LY6S: variants seen among roughly 807,000 people sequenced by gnomAD.
LY6S encodes lymphocyte antigen 6 family member S, also known as lymphocyte antigen 6S.
chr8:143,041,057 G>A, the LY6S span, among the ~76,000 whole-genome samples: 2 of 152,144 alleles, frequency 1.3e-5, no homozygotes, highest in African/African-American at 2.4e-5. Context: ...CGGGACCGGG[G>A]CGAAATTAAA....
At chr8:143,074,525 T>A in the LY6S span, among the ~76,000 whole-genome samples, 2 of 152,270 alleles carry the variant, frequency 1.3e-5, no homozygotes, top group Non-Finnish European at 2.9e-5. Context: ...AAACACTTAT[T>A]TTTATTATTT....
At chr8:143,044,406 CT>C in the LY6S span, among the ~76,000 whole-genome samples, 3 of 152,096 alleles carry the variant, frequency 2.0e-5, no homozygotes, top group Admixed American at 2.0e-4. Flanking sequence ...TGGGCGCCCC[CT>C]GCTCTAGAAC....
chr8:143,066,079 A>G, the LY6S span: 2 of 412,260 alleles, frequency 4.9e-6, no homozygotes, highest in Non-Finnish European at 9.3e-6. Context: ...GGAAGCACAT[A>G]GGCATCGAAG....
chr8:143,047,300 C>T, the LY6S span, among the ~76,000 whole-genome samples: 3 of 151,758 alleles, frequency 2.0e-5, no homozygotes, highest in African/African-American at 4.8e-5. Flanking sequence ...CCACCACGCC[C>T]GGCTTTTTTT....
chr8:143,069,067 C>T, the LY6S span, among the ~76,000 whole-genome samples: 3 of 152,296 alleles, frequency 2.0e-5, no homozygotes, highest in East Asian at 5.8e-4. Context: ...CTGTTTTCAA[C>T]TCACCAAGGA....
chr8:143,056,110 C>A, the LY6S span, among the ~76,000 whole-genome samples: 1 of 150,884 alleles, frequency 6.6e-6, no homozygotes, highest in African/African-American at 2.4e-5. Flanking sequence ...TTTATTTACA[C>A]AGTGCCGCGG....
At chr8:143,069,778 G>A in the LY6S span, among the ~76,000 whole-genome samples, 1 of 152,110 alleles carries the variant, frequency 6.6e-6, no homozygotes, top group South Asian at 2.1e-4. Flanking sequence ...CTTTCTACCG[G>A]CCCCTGCTCT....
At chr8:143,050,174 G>GAC in the LY6S span, among the ~76,000 whole-genome samples, 6 of 128,298 alleles carry the variant, frequency 4.7e-5, no homozygotes, top group Admixed American at 4.4e-4. Context: ...CCCAAAACCT[G>GAC]ACTTTTTTTT....
the LY6S span, chr8:143,057,669 C>T: frequency 1.3e-4 from 116 of 892,464 alleles, no homozygotes; most frequent in Middle Eastern, 3.3e-4. Context: ...AAGACTCAGC[C>T]GCTGGCGGGA....
chr8:143,070,768 A>G, the LY6S span, among the ~76,000 whole-genome samples: 1 of 151,870 alleles, frequency 6.6e-6, no homozygotes, highest in Admixed American at 6.6e-5. Flanking sequence ...TACAGGCGTG[A>G]GCCACCGTGC....
the LY6S span, among the ~76,000 whole-genome samples, chr8:143,070,474 TAA>T: frequency 0.039 from 1,902 of 48,344 alleles, 129 homozygotes; most frequent in South Asian, 0.13. Flanking sequence ...AATATATATA[TAA>T]ATATATATAT....
the LY6S span, among the ~76,000 whole-genome samples, chr8:143,070,481 A>ATTTTTTTT: frequency 1.2e-5 from 1 of 85,466 alleles, no homozygotes; most frequent in African/African-American, 7.4e-5. Flanking sequence ...ATATAAATAT[A>ATTTTTTTT]TATATATATT....
the LY6S span, among the ~76,000 whole-genome samples, chr8:143,060,910 GAATAT>G: frequency 4.0e-5 from 6 of 151,522 alleles, no homozygotes; most frequent in Non-Finnish European, 8.8e-5. Flanking sequence ...ATATATCTAA[GAATAT>G]AACAAAAGAA....
chr8:143,068,127 G>A, the LY6S span, among the ~76,000 whole-genome samples: 3 of 152,064 alleles, frequency 2.0e-5, no homozygotes, highest in African/African-American at 4.8e-5. Context: ...TGGTCAATAC[G>A]CAGGCTTTCT....
At chr8:143,059,482 C>T in the LY6S span, among the ~76,000 whole-genome samples, 3 of 152,010 alleles carry the variant, frequency 2.0e-5, no homozygotes, top group Admixed American at 2.0e-4. Flanking sequence ...GAGTATGGAA[C>T]TCTAAGAAGG....
the LY6S span, among the ~76,000 whole-genome samples, chr8:143,056,898 T>C: frequency 6.6e-6 from 1 of 152,202 alleles, no homozygotes; most frequent in Non-Finnish European, 1.5e-5. Flanking sequence ...AGTATCTGAC[T>C]CATCTGGCAC....
the LY6S span, among the ~76,000 whole-genome samples, chr8:143,043,518 G>C: frequency 6.6e-6 from 1 of 152,188 alleles, no homozygotes; most frequent in African/African-American, 2.4e-5. Context: ...GGGAACCAGG[G>C]TTGTGGCAGA....
At chr8:143,048,166 T>G in the LY6S span, among the ~76,000 whole-genome samples, 902 of 152,318 alleles carry the variant, frequency 5.9e-3, 8 homozygotes, top group African/African-American at 0.02. Flanking sequence ...CCTGGTTGGC[T>G]GCCGCTGGTT....
the LY6S span, among the ~76,000 whole-genome samples, chr8:143,046,926 G>A: frequency 6.6e-6 from 1 of 151,952 alleles, no homozygotes; most frequent in Non-Finnish European, 1.5e-5. Context: ...ACTTTAACCC[G>A]AGATGTGGAG....
Sources: gnomAD v4.1 joint callset for allele counts (sites outside exome capture counted in the v4.1 genomes callset) on GRCh38, gnomAD v4.1.1 for gene constraint, MANE v1.5 for transcripts, NCBI Gene and HGNC (gene_info 2026-07-23, HGNC 2026-07-21) for gene names.